RUNX1: variants seen among roughly 807,000 people sequenced by gnomAD.
RUNX1 encodes runt-related transcription factor 1.
RUNX1 carries 19 observed loss-of-function variants against 42.8 expected under a neutral mutation model. That is an observed-to-expected ratio of 0.44 (90% CI 0.31 to 0.65). RUNX1 has a LOEUF of 0.65. Ranked by LOEUF, RUNX1 falls within the 30% of genes least tolerant of loss-of-function variation. The pLI is 0.07. For synonymous variants in RUNX1, 271 were observed against 289.4 expected, an observed-to-expected ratio of 0.94 and a Z score of 0.64; for missense variants, 528 against 672.0, an observed-to-expected ratio of 0.79 and a Z score of 2.37.
chr21:34,847,853 T>C (rs2057338877), intron 6 of RUNX1, among the ~76,000 whole-genome samples: 1 of 152,096 alleles, frequency 6.6e-6, no homozygotes, highest in Admixed American at 6.5e-5. Context: ...TAATAATAGG[T>C]AGTATGGAAG....
At chr21:34,981,761 CT>C (rs2058847917) in intron 2 of RUNX1, among the ~76,000 whole-genome samples, 1 of 152,028 alleles carries the variant, frequency 6.6e-6, no homozygotes, top group South Asian at 2.1e-4. Flanking sequence ...CAGTGGTGGC[CT>C]ATTTTTTTTT....
intron 2 of RUNX1, among the ~76,000 whole-genome samples, chr21:34,912,774 T>C (rs1170888262): frequency 6.6e-6 from 1 of 152,210 alleles, no homozygotes; most frequent in Non-Finnish European, 1.5e-5. Context: ...ACAGGACATG[T>C]GTGATGACAG....
intron 2 of RUNX1, among the ~76,000 whole-genome samples, chr21:35,022,114 G>C (rs2059202479): frequency 1.3e-5 from 2 of 152,336 alleles, no homozygotes; most frequent in South Asian, 4.1e-4. Flanking sequence ...GACTGAACAC[G>C]GGCTAACATG....
In RUNX1 at chr21:34,854,295, G is replaced by A. The variant is rs183680907; in HGVS notation, c.613+5179C>T. On this transcript the variant is annotated intron_variant, in intron 6 of 8. Coordinates refer to ENST00000675419, the MANE Select transcript of RUNX1 (RefSeq NM_001754.5). ...TTAAAAAGTAGCTGAGTGAAGATTA[G>A]GCCCTTTGATCAACCTATTTTAACT... Among the ~76,000 whole-genome samples, 12 of 152,258 alleles carry A rather than the reference G, an allele frequency of 7.9e-5. No homozygotes were observed. The East Asian group carries it at 2.3e-3, about 29-fold the overall frequency.
At chr21:34,860,078 G>A (rs919273188) in intron 5 of RUNX1, among the ~76,000 whole-genome samples, 18 of 152,168 alleles carry the variant, frequency 1.2e-4, no homozygotes, top group African/African-American at 3.4e-4. Context: ...TTTAAAAGAC[G>A]AAGTCTGGCT....
At chr21:34,889,924 C>T in intron 3 of RUNX1, 1 of 946,256 alleles carries the variant, frequency 1.1e-6, no homozygotes, top group Non-Finnish European at 1.3e-6. Context: ...GTCCCCGGAT[C>T]CCGGCCCCGT....
intron 2 of RUNX1, among the ~76,000 whole-genome samples, chr21:34,999,171 G>A (rs2059021208): frequency 6.6e-6 from 1 of 152,234 alleles, no homozygotes; most frequent in Admixed American, 6.5e-5. Flanking sequence ...CCCAGAGCCG[G>A]AGCTTGGAGG....
At position 34,909,588 on chromosome 21, in the gene RUNX1, C is replaced by CAAAAAAAAAAAAAAAAAAAAAAA. The variant is rs10584066; in HGVS notation, c.59-16626_59-16625insTTTTTTTTTTTTTTTTTTTTTTT. Among the ~76,000 whole-genome samples, 37 of 75,004 alleles carry CAAAAAAAAAAAAAAAAAAAAAAA rather than the reference C, an allele frequency of 4.9e-4. 1 individual carries two copies. Among genetic ancestry groups the CAAAAAAAAAAAAAAAAAAAAAAA allele is most frequent in the African/African-American group, 1.8e-3 (28 of 15,990 alleles). 49.2% of individuals were successfully genotyped at this position (75,004 alleles called of 152,430 possible). ...TTATACAGACCAGGTCACTGTTCCT[C>CAAAAAAAAAAAAAAAAAAAAAAA]AAAAAAAAAAAAAAAAAAAAGATGG... On this transcript the variant is annotated intron_variant, in intron 2 of 8. Coordinates refer to ENST00000675419, the MANE Select transcript of RUNX1 (RefSeq NM_001754.5).
intron 2 of RUNX1, among the ~76,000 whole-genome samples, chr21:35,001,024 T>C (rs542380195): frequency 1.3e-5 from 2 of 152,310 alleles, no homozygotes; most frequent in East Asian, 3.9e-4. Flanking sequence ...AGTTTCCAGA[T>C]TTCTTACGCT....
intron 7 of RUNX1, among the ~76,000 whole-genome samples, chr21:34,809,042 T>G (rs2056722123): frequency 6.6e-6 from 1 of 152,172 alleles, no homozygotes; most frequent in South Asian, 2.1e-4. Flanking sequence ...CTTTGTTAAA[T>G]AAACATTTGT....
intron 8 of RUNX1, among the ~76,000 whole-genome samples, chr21:34,794,331 TGCTGA>T (rs2056494668): frequency 6.6e-6 from 1 of 152,186 alleles, no homozygotes; most frequent in African/African-American, 2.4e-5. Flanking sequence ...CAGTAGCAAC[TGCTGA>T]GCGAATGTCA....
chr21:34,889,611 CCG>C, intron 3 of RUNX1: 1 of 1,041,008 alleles, frequency 9.6e-7, no homozygotes, highest in South Asian at 2.6e-5. Flanking sequence ...CTCCGGCTCC[CCG>C]GAAGCGGCCC....
intron 5 of RUNX1, among the ~76,000 whole-genome samples, chr21:34,874,436 C>G (rs4817697): frequency 1.8e-3 from 279 of 151,186 alleles, no homozygotes; most frequent in African/African-American, 6.5e-3. Flanking sequence ...ATGGTGAAAC[C>G]TCGTCTCTAC....
intron 2 of RUNX1, among the ~76,000 whole-genome samples, chr21:34,913,229 T>A (rs1002751605): frequency 6.6e-6 from 1 of 151,844 alleles, no homozygotes; most frequent in Non-Finnish European, 1.5e-5. Flanking sequence ...GGATACTCCA[T>A]CTCAAAAAGA....
chr21:34,859,196 C>A (rs1263108792), intron 6 of RUNX1: 2 of 488,790 alleles, frequency 4.1e-6, no homozygotes, highest in Non-Finnish European at 7.5e-6. Flanking sequence ...AGGAAGCAGT[C>A]CTTAGTTTCA....
intron 2 of RUNX1, among the ~76,000 whole-genome samples, chr21:34,993,921 C>A (rs1267538138): frequency 6.6e-6 from 1 of 152,172 alleles, no homozygotes; most frequent in African/African-American, 2.4e-5. Context: ...TATTCCACAT[C>A]ATTCACTGAG....
chr21:34,879,564 C>A (rs2057864866), intron 5 of RUNX1, among the ~76,000 whole-genome samples: 1 of 151,946 alleles, frequency 6.6e-6, no homozygotes, highest in Admixed American at 6.6e-5. Context: ...TTGGTGCTTC[C>A]ATTTTTTTCA....
At chr21:34,966,121 T>A (rs2058716630) in intron 2 of RUNX1, among the ~76,000 whole-genome samples, 1 of 152,118 alleles carries the variant, frequency 6.6e-6, no homozygotes, top group Non-Finnish European at 1.5e-5. Context: ...CTTCTATACA[T>A]TAGATAGAGC....
chr21:35,035,813 T>C (rs146563367), intron 2 of RUNX1, among the ~76,000 whole-genome samples: 82 of 152,364 alleles, frequency 5.4e-4, no homozygotes, highest in African/African-American at 1.9e-3. Flanking sequence ...CCAGGCTCAC[T>C]GCAGGTCTCT....
Sources: allele counts gnomAD v4.1 joint callset (sites outside exome capture counted in the v4.1 genomes callset), GRCh38; gene constraint gnomAD v4.1.1; transcripts MANE v1.5; gene names NCBI Gene and HGNC (gene_info 2026-07-23, HGNC 2026-07-21).